NRG1: variants seen among roughly 807,000 people sequenced by gnomAD.
NRG1 encodes pro-neuregulin-1, membrane-bound isoform.
In NRG1, 18 loss-of-function variants were observed where a neutral mutation model predicts 63.8. That is an observed-to-expected ratio of 0.28 (90% CI 0.19 to 0.42). NRG1 has a LOEUF of 0.42. Ranked by LOEUF, NRG1 falls within the 10% of genes least tolerant of loss-of-function variation. The pLI, the probability that NRG1 is intolerant of heterozygous loss-of-function variation, is 1.00. For missense variants in NRG1, 762 were observed against 814.7 expected (o/e 0.94, Z 0.79); for synonymous variants, 302 against 301.3 (o/e 1.00, Z -0.02).
intron 1 of NRG1, among the ~76,000 whole-genome samples, chr8:31,997,246 C>T (rs1248880957): frequency 6.8e-6 from 1 of 146,484 alleles, no homozygotes; most frequent in Non-Finnish European, 1.5e-5. Context: ...TACTTGCTTC[C>T]AGTTCACTTT....
intron 6 of NRG1, among the ~76,000 whole-genome samples, chr8:32,741,143 T>C (rs1336433272): frequency 6.6e-6 from 1 of 152,162 alleles, no homozygotes; most frequent in Non-Finnish European, 1.5e-5. Context: ...GTGGTAATTA[T>C]AAAGAGCTTC....
intron 5 of NRG1, among the ~76,000 whole-genome samples, chr8:32,629,416 A>C (rs531515111): frequency 6.6e-6 from 1 of 152,142 alleles, no homozygotes; most frequent in Admixed American, 6.5e-5. Flanking sequence ...ACTTATTACT[A>C]TGCCAGTTCC....
At chr8:32,647,811 C>A (rs1410858927) in intron 5 of NRG1, 1 of 1,613,784 alleles carries the variant, frequency 6.2e-7, no homozygotes, top group Admixed American at 1.7e-5. Flanking sequence ...TCTTGATGGG[C>A]TTCCGGCAGC....
intron 1 of NRG1, among the ~76,000 whole-genome samples, chr8:31,852,648 C>T (rs1827370159): frequency 6.6e-6 from 1 of 151,476 alleles, no homozygotes; most frequent in Admixed American, 6.6e-5. Flanking sequence ...CTTTTGTTGC[C>T]ATTGCTTTTG....
chr8:31,834,307 G>GCA (rs1554547024), intron 1 of NRG1, among the ~76,000 whole-genome samples: 24,710 of 119,430 alleles, frequency 0.21, 2,286 homozygotes, highest in Middle Eastern at 0.24. Context: ...GCGCACGCGC[G>GCA]CACACACACA....
Position 32,348,003 on chromosome 8 carries a change from A to G in NRG1, c.38-247825A>G, listed in dbSNP as rs535531213. 3.3e-5 allele frequency among the ~76,000 whole-genome samples: 5 copies of G among 152,258 alleles called. No individual in the cohort carries two copies. In the East Asian group the frequency reaches 5.8e-4, roughly 18 times the overall value. The stretch of plus-strand genomic sequence containing the variant: ...TAAGCTGTGGACTGTGTTTACATAT[A>G]TTACTCTTTCTTCTCATCACTCTTT... On this transcript the variant is annotated intron_variant, in intron 1 of 10. Coordinates refer to the NRG1 transcript ENST00000519301.
chr8:32,691,352 CAAAA>C (rs1811603560), intron 5 of NRG1, among the ~76,000 whole-genome samples: 1 of 152,074 alleles, frequency 6.6e-6, no homozygotes, highest in South Asian at 2.1e-4. Context: ...GACTCCGTCT[CAAAA>C]AACAAAACAA....
chr8:32,560,119 G>T (rs1836094600), intron 1 of NRG1, among the ~76,000 whole-genome samples: 1 of 151,858 alleles, frequency 6.6e-6, no homozygotes, highest in Admixed American at 6.6e-5. Context: ...TCATAAATAG[G>T]TAACTTTCTA....
At chr8:32,626,659 G>A (rs1283999346) in intron 5 of NRG1, among the ~76,000 whole-genome samples, 2 of 151,166 alleles carry the variant, frequency 1.3e-5, no homozygotes, top group Non-Finnish European at 1.5e-5. Flanking sequence ...CAGCCTGGGC[G>A]ACAGAGCAAG....
chr8:32,186,330 G>GGCCCCTGTAGCCA (rs1841960825), intron 1 of NRG1, among the ~76,000 whole-genome samples: 1 of 151,834 alleles, frequency 6.6e-6, no homozygotes, highest in Non-Finnish European at 1.5e-5. Flanking sequence ...GCGTGATGGT[G>GGCCCCTGTAGCCA]GGCCCCTGTA....
At chr8:32,581,935 G>A (rs927216923) in intron 1 of NRG1, among the ~76,000 whole-genome samples, 2 of 152,276 alleles carry the variant, frequency 1.3e-5, no homozygotes, top group East Asian at 1.9e-4. Context: ...GGGAAATTGT[G>A]TATGAAAGTG....
intron 1 of NRG1, among the ~76,000 whole-genome samples, chr8:32,494,147 G>T (rs1475939254): frequency 2.0e-5 from 3 of 152,174 alleles, no homozygotes; most frequent in African/African-American, 7.2e-5. Flanking sequence ...AAGATGAACA[G>T]AAGTGTTCCT....
At chr8:32,218,219 A>T (rs1347027046) in intron 1 of NRG1, among the ~76,000 whole-genome samples, 1 of 152,202 alleles carries the variant, frequency 6.6e-6, no homozygotes, top group Non-Finnish European at 1.5e-5. Context: ...ATGTGTAAAC[A>T]GATTGTAGCC....
At chr8:31,746,686 A>C (rs1345511403) in intron 1 of NRG1, among the ~76,000 whole-genome samples, 1 of 152,012 alleles carries the variant, frequency 6.6e-6, no homozygotes, top group African/African-American at 2.4e-5. Flanking sequence ...AAATCAGTAT[A>C]TCAAAGAGGT....
At chr8:31,973,497 C>G (rs945677590) in intron 1 of NRG1, among the ~76,000 whole-genome samples, 4 of 152,110 alleles carry the variant, frequency 2.6e-5, no homozygotes, top group Non-Finnish European at 4.4e-5. Flanking sequence ...AGCTCTCTTA[C>G]AGAATAGATG....
chr8:31,671,062 G>A (rs557862683), intron 1 of NRG1, among the ~76,000 whole-genome samples: 43 of 152,174 alleles, frequency 2.8e-4, no homozygotes, highest in Admixed American at 2.6e-3. Flanking sequence ...GTGGTATTTG[G>A]TTTTCTGTTC....
chr8:32,748,542 T>C (rs767284077), intron 7 of NRG1: 12 of 234,488 alleles, frequency 5.1e-5, no homozygotes, highest in Non-Finnish European at 1.0e-4. Context: ...ATGGAGCCTC[T>C]GCAGGTTCTG....
chr8:32,111,305 C>T (rs1488215313), intron 1 of NRG1, among the ~76,000 whole-genome samples: 2 of 151,888 alleles, frequency 1.3e-5, no homozygotes, highest in Non-Finnish European at 2.9e-5. Flanking sequence ...TTAGTAGAGA[C>T]GGGGTTTCAC....
chr8:32,186,186 C>A (rs147512662), intron 1 of NRG1, among the ~76,000 whole-genome samples: 1 of 151,990 alleles, frequency 6.6e-6, no homozygotes. Flanking sequence ...AACACAAGGC[C>A]GTGTGCGGTG....
Sources: gnomAD v4.1 joint callset for allele counts (sites outside exome capture counted in the v4.1 genomes callset) on GRCh38, gnomAD v4.1.1 for gene constraint, MANE v1.5 for transcripts, NCBI Gene and HGNC (gene_info 2026-07-23, HGNC 2026-07-21) for gene names.